COL27A1: variants seen among roughly 807,000 people sequenced by gnomAD.
The protein encoded by COL27A1 is collagen alpha-1(XXVII) chain.
In COL27A1, 106 loss-of-function variants were observed where a neutral mutation model predicts 251.3. The ratio of observed to expected loss-of-function variants is 0.42; its 90% CI spans 0.36 to 0.50. COL27A1 has a LOEUF of 0.50. Among genes scored for constraint, COL27A1 ranks in the 20% least tolerant of loss-of-function variants. COL27A1 has a pLI of 0.00. For missense variants in COL27A1, 2,325 were observed against 2,522.8 expected, an observed-to-expected ratio of 0.92 and a Z score of 1.68; for synonymous variants, 1,000 against 986.3, an observed-to-expected ratio of 1.01 and a Z score of -0.26.
chr9:114,221,856 A>G (rs902568412), intron 13 of COL27A1, among the ~76,000 whole-genome samples: 2 of 152,220 alleles, frequency 1.3e-5, no homozygotes, highest in African/African-American at 4.8e-5. Context: ...GCCTTGGGTG[A>G]ATCACTTAAC....
In COL27A1 at chr9:114,167,796, C is replaced by T. The variant is rs143398547; in HGVS notation, c.241C>T (p.Arg81Trp). ...QSGFIFTQRARLQAPTGTVIP... is the reference protein window; with the variant it reads ...QSGFIFTQRAWLQAPTGTVIP... ...GGGCTTCATCTTTACGCAGCGGGCC[C>T]GGCTCCAGGCTCCCACGGGCACCGT... Residue 81 changes from arginine (R) to tryptophan (W), a missense_variant, in exon 3 of 61, where the codon CGG (arginine) becomes TGG (tryptophan). By Grantham distance (101) the Arg-to-Trp change is moderately radical. Around this residue, in one of 4 missense-constraint regions of COL27A1, gnomAD observed 1,183 missense variants for 1,144.1 expected, o/e 1.03. Transcript: ENST00000356083. The T allele has an allele frequency of 4.6e-5, 75 of 1,613,406 alleles. No individual in the cohort carries two copies. The highest frequency in any genetic ancestry group is 1.0e-4 in the Admixed American group (6 of 60,004).
chr9:114,237,609 A>T (rs1010815475), intron 18 of COL27A1, 53 bp from the exon 19 acceptor site: 1 of 1,468,800 alleles, frequency 6.8e-7, no homozygotes, highest in Non-Finnish European at 9.5e-7. Flanking sequence ...CAGGGGGTTC[A>T]TGGAAGGTGG....
chr9:114,247,527 G>A (rs78104321), intron 24 of COL27A1, among the ~76,000 whole-genome samples: 81 of 152,324 alleles, frequency 5.3e-4, no homozygotes, highest in Non-Finnish European at 9.3e-4. Context: ...TGGGATTTAT[G>A]GAGGAGAAGC....
At chr9:114,196,088 G>C (rs1829102360) in intron 7 of COL27A1, 76 bp downstream of exon 7, 2 of 1,280,376 alleles carry the variant, frequency 1.6e-6, no homozygotes, top group African/African-American at 1.5e-5. Flanking sequence ...GAAGAGCTGT[G>C]GGCCCACCTG....
chr9:114,189,198 T>C (rs958179213), intron 5 of COL27A1, among the ~76,000 whole-genome samples: 47 of 152,356 alleles, frequency 3.1e-4, no homozygotes, highest in Admixed American at 3.3e-4. Flanking sequence ...AAATCATTTG[T>C]ACTCTTAAAA....
Position 114,290,518 on chromosome 9 carries a change from G to A in COL27A1, c.4368+187G>A, listed in dbSNP as rs1827844295. 6.6e-6 allele frequency among the ~76,000 whole-genome samples: 1 copy of A among 152,130 alleles called. No individual in the cohort carries two copies. The highest frequency in any genetic ancestry group is 1.5e-5 in the Non-Finnish European group (1 of 68,006). ...ACCTGGGAGTGTGGACCTTCTGACT[G>A]TCTCTCCTGGATGCCAGCACCCAGA... On this transcript the variant is annotated intron_variant, in intron 47 of 60. Transcript: ENST00000356083. This position sits in a 1 kb window ranked among gnomAD's most constrained non-coding sequence, Gnocchi z 4.6.
chr9:114,171,616 A>T (rs775098689), intron 3 of COL27A1, among the ~76,000 whole-genome samples: 2 of 152,048 alleles, frequency 1.3e-5, no homozygotes, highest in Non-Finnish European at 2.9e-5. Context: ...GGCACGTGCC[A>T]CTATGTCCGG....
chr9:114,186,074 G>A (rs1427646073), intron 5 of COL27A1, among the ~76,000 whole-genome samples: 1 of 152,228 alleles, frequency 6.6e-6, no homozygotes, highest in African/African-American at 2.4e-5. Context: ...CAGATCCTTG[G>A]GTTTGCCTGC....
intron 32 of COL27A1, 98 bp from the exon 33 acceptor site, chr9:114,266,467 C>G (rs1469646940): frequency 2.0e-6 from 2 of 1,003,178 alleles, no homozygotes; most frequent in Admixed American, 2.0e-5. Context: ...TTCAGAGTCC[C>G]CAGTTCTGGG....
chr9:114,173,168 G>A (rs1232291307), intron 3 of COL27A1, among the ~76,000 whole-genome samples: 3 of 152,250 alleles, frequency 2.0e-5, no homozygotes, highest in Non-Finnish European at 4.4e-5. Flanking sequence ...GGGAGGCCGT[G>A]GTTCACAGCC....
intron 5 of COL27A1, among the ~76,000 whole-genome samples, chr9:114,191,104 G>A (rs1457086434): frequency 6.6e-6 from 1 of 152,060 alleles, no homozygotes; most frequent in Non-Finnish European, 1.5e-5. Context: ...TCCCTTCAAG[G>A]ATTTACCTCC....
intron 4 of COL27A1, among the ~76,000 whole-genome samples, chr9:114,180,926 G>T (rs1283077115): frequency 6.6e-6 from 1 of 152,184 alleles, no homozygotes; most frequent in East Asian, 1.9e-4. Flanking sequence ...GGCAGCTGGG[G>T]CACGACTGGG....
intron 9 of COL27A1, 104 bp from the exon 10 acceptor site, chr9:114,206,148 A>T: frequency 8.8e-7 from 1 of 1,140,386 alleles, no homozygotes; most frequent in Non-Finnish European, 1.3e-6. Flanking sequence ...CCCCCATTCT[A>T]CAAAGAGAGC....
intron 37 of COL27A1, among the ~76,000 whole-genome samples, chr9:114,278,470 ATGG>A (rs956597065): frequency 9.6e-6 from 1 of 104,416 alleles, no homozygotes; most frequent in African/African-American, 3.8e-5. Context: ...GGTGGTGGTG[ATGG>A]TGGTGGTGAT....
chr9:114,255,390 G>T (rs1286890320), intron 27 of COL27A1, among the ~76,000 whole-genome samples: 1 of 152,162 alleles, frequency 6.6e-6, no homozygotes, highest in Non-Finnish European at 1.5e-5. Context: ...GATGCTGGGG[G>T]TACATCATCG....
At chr9:114,163,857 C>T (rs555886915) in intron 2 of COL27A1, among the ~76,000 whole-genome samples, 15 of 140,142 alleles carry the variant, frequency 1.1e-4, no homozygotes, top group Non-Finnish European at 1.9e-4. Context: ...GTCACTGGGG[C>T]GGGGGGCGGG....
intron 2 of COL27A1, among the ~76,000 whole-genome samples, chr9:114,166,444 T>TATCCATCCATCCATCCGTCC (rs1554786443): frequency 0.14 from 19,643 of 140,710 alleles, 1,687 homozygotes; most frequent in Middle Eastern, 0.22. Context: ...TCCATTCATC[T>TATCCATCCATCCATCCGTCC]ATCCATCCAT....
intron 20 of COL27A1, 49 bp downstream of exon 20, chr9:114,240,322 C>G: frequency 6.3e-7 from 1 of 1,580,918 alleles, no homozygotes; most frequent in Non-Finnish European, 8.6e-7. Context: ...GACAGCTCTG[C>G]AGAAACCACA....
intron 49 of COL27A1, 132 bp from the exon 50 acceptor site, chr9:114,299,938 C>A: frequency 3.9e-6 from 3 of 773,442 alleles, no homozygotes; most frequent in Non-Finnish European, 6.7e-6. Context: ...CTCACTTGGT[C>A]GCTTCACAGA....
Sources: gnomAD v4.1 joint callset for allele counts (sites outside exome capture counted in the v4.1 genomes callset) on GRCh38, gnomAD v4.1.1 for gene constraint, gnomAD v4.1.1 regional missense constraint, Gnocchi (gnomAD v3.1) non-coding constraint, MANE v1.5 for transcripts, NCBI Gene and HGNC (gene_info 2026-07-23, HGNC 2026-07-21) for gene names.